Variants in NPAS3 observed in about 807,000 individuals in gnomAD.
The protein encoded by NPAS3 is neuronal PAS domain-containing protein 3.
A neutral mutation model predicts 73.1 loss-of-function variants in NPAS3; 14 were observed. The observed-to-expected ratio is 0.19, with a 90% CI of 0.13 to 0.30. NPAS3 has a LOEUF of 0.30. Among genes scored for constraint, NPAS3 ranks in the 10% least tolerant of loss-of-function variants. The pLI is 1.00. For synonymous variants in NPAS3, 620 were observed against 541.5 expected, an observed-to-expected ratio of 1.14 and a Z score of -2.01; for missense variants, 1,096 against 1,250.0, an observed-to-expected ratio of 0.88 and a Z score of 1.86.
intron 2 of NPAS3, among the ~76,000 whole-genome samples, chr14:33,108,619 AC>A (rs1276187923): frequency 6.6e-6 from 1 of 152,202 alleles, no homozygotes; most frequent in Non-Finnish European, 1.5e-5. Flanking sequence ...CAAAATGTGT[AC>A]AAAATTACAA....
intron 3 of NPAS3, among the ~76,000 whole-genome samples, chr14:33,310,177 G>GT (rs2140189607): frequency 6.6e-6 from 1 of 152,272 alleles, no homozygotes; most frequent in Admixed American, 6.5e-5. Flanking sequence ...TTGGAGTTTA[G>GT]TGATACTAAA....
At chr14:33,801,730 G>GT (rs1257284805), downstream of NPAS3, 3 of 77,592 alleles carry the variant, frequency 3.9e-5, no homozygotes, top group Admixed American at 1.4e-4. Flanking sequence ...TGACTAGAAT[G>GT]TTTAAAAAAA....
At chr14:33,801,219 C>G, downstream of NPAS3, 1 of 1,492,296 alleles carries the variant, frequency 6.7e-7, no homozygotes, top group Non-Finnish European at 8.9e-7. Context: ...TCAGCGTCTT[C>G]TCTCGCCACG....
intron 2 of NPAS3, among the ~76,000 whole-genome samples, chr14:33,088,254 G>T (rs2138782762): frequency 6.6e-6 from 1 of 151,066 alleles, no homozygotes; most frequent in South Asian, 2.1e-4. Context: ...CCTCACCCAG[G>T]AAGTGCAAGG....
At chr14:33,757,400 T>C (rs935532700) in intron 7 of NPAS3, among the ~76,000 whole-genome samples, 1 of 152,168 alleles carries the variant, frequency 6.6e-6, no homozygotes, top group African/African-American at 2.4e-5. Context: ...CTGAGGCTCA[T>C]AGAGGTCCTG....
At position 33,330,046 on chromosome 14, in the gene NPAS3, C is replaced by T. The variant is rs146195278; in HGVS notation, c.386-37140C>T. Among the ~76,000 whole-genome samples, 386 of 152,208 alleles carry T rather than the reference C, an allele frequency of 2.5e-3. 2 individuals are homozygous for T. The highest frequency in any genetic ancestry group is 9.1e-3 in the African/African-American group (376 of 41,538). ...AGATCACTTGTCAGGAGTTCGAGAC[C>T]AGCCTGGCCAACATGGCAAAACCCC... On this transcript the variant is annotated intron_variant, in intron 3 of 11. Transcript: ENST00000356141.
chr14:33,080,754 G>A (rs1015272891), intron 2 of NPAS3, among the ~76,000 whole-genome samples: 1 of 152,206 alleles, frequency 6.6e-6, no homozygotes, highest in Non-Finnish European at 1.5e-5. Context: ...AAGTGTGAGT[G>A]ACATCACAGG....
At chr14:33,093,005 C>T (rs1435264487) in intron 2 of NPAS3, among the ~76,000 whole-genome samples, 2 of 152,186 alleles carry the variant, frequency 1.3e-5, no homozygotes, top group Non-Finnish European at 2.9e-5. Context: ...AGACCTAAAA[C>T]CGTAGAAACC....
intron 9 of NPAS3, among the ~76,000 whole-genome samples, chr14:33,784,475 G>C (rs2138556676): frequency 6.6e-6 from 1 of 152,296 alleles, no homozygotes; most frequent in East Asian, 1.9e-4. Flanking sequence ...AAAAGCCCCA[G>C]GGGAGGCAGA....
At chr14:33,198,867 G>T (rs547073752) in intron 2 of NPAS3, among the ~76,000 whole-genome samples, 1 of 152,192 alleles carries the variant, frequency 6.6e-6, no homozygotes, top group Non-Finnish European at 1.5e-5. Flanking sequence ...TGCAGGTCCC[G>T]GAGCCCTGCC....
At chr14:33,617,571 A>C (rs1361907799) in intron 5 of NPAS3, among the ~76,000 whole-genome samples, 5 of 152,268 alleles carry the variant, frequency 3.3e-5, no homozygotes, top group Non-Finnish European at 5.9e-5. Flanking sequence ...AACATGGCAT[A>C]TTTGCTTTAT....
chr14:33,023,853 C>A (rs780787248), intron 1 of NPAS3, among the ~76,000 whole-genome samples: 3 of 152,030 alleles, frequency 2.0e-5, no homozygotes, highest in Admixed American at 6.5e-5. Context: ...GCCTTATTAT[C>A]CAGTGGGTCT....
chr14:33,532,661 G>A (rs969779011), intron 4 of NPAS3, among the ~76,000 whole-genome samples: 1 of 152,134 alleles, frequency 6.6e-6, no homozygotes, highest in African/African-American at 2.4e-5. Flanking sequence ...TGAATGAAGT[G>A]ATTGCATATA....
chr14:33,755,905 T>C (rs1392280754), intron 7 of NPAS3, among the ~76,000 whole-genome samples: 1 of 152,032 alleles, frequency 6.6e-6, no homozygotes, highest in African/African-American at 2.4e-5. Context: ...AGCAAGACAG[T>C]GGGAGGTGCC....
chr14:33,430,943 T>C (rs1280772537), intron 4 of NPAS3, among the ~76,000 whole-genome samples: 2 of 152,184 alleles, frequency 1.3e-5, no homozygotes, highest in Non-Finnish European at 2.9e-5. Flanking sequence ...GTTGGCATCA[T>C]AAACATGGAA....
At chr14:33,793,589 C>T (rs1809664644) in intron 9 of NPAS3, among the ~76,000 whole-genome samples, 1 of 152,340 alleles carries the variant, frequency 6.6e-6, no homozygotes, top group East Asian at 1.9e-4. Flanking sequence ...ACAATATCCA[C>T]ACCGCATTAG....
At chr14:33,342,645 A>G (rs2044540908) in intron 3 of NPAS3, among the ~76,000 whole-genome samples, 1 of 152,212 alleles carries the variant, frequency 6.6e-6, no homozygotes, top group Non-Finnish European at 1.5e-5. Context: ...ATGTATTAAC[A>G]TGATTATTTT....
intron 3 of NPAS3, among the ~76,000 whole-genome samples, chr14:33,219,334 G>C (rs752398226): frequency 7.2e-5 from 11 of 152,164 alleles, no homozygotes; most frequent in Non-Finnish European, 1.3e-4. Context: ...TCAATTTTAA[G>C]AGTCTGTCGT....
chr14:33,132,593 A>G (rs2043683581), intron 2 of NPAS3, among the ~76,000 whole-genome samples: 1 of 152,046 alleles, frequency 6.6e-6, no homozygotes, highest in Non-Finnish European at 1.5e-5. Context: ...ATCCCTCAGG[A>G]GTGAGGGATG....
Sources: gnomAD v4.1 joint callset for allele counts (sites outside exome capture counted in the v4.1 genomes callset) on GRCh38, gnomAD v4.1.1 for gene constraint, MANE v1.5 for transcripts, NCBI Gene and HGNC (gene_info 2026-07-23, HGNC 2026-07-21) for gene names.